Variants in MYBPC1 observed in about 807,000 individuals in gnomAD.
MYBPC1 encodes myosin-binding protein C, slow-type.
A neutral mutation model predicts 147.1 loss-of-function variants in MYBPC1; 52 were observed. The observed-to-expected ratio is 0.35, with a 90% CI of 0.28 to 0.45. The LOEUF (loss-of-function observed/expected upper bound fraction) is 0.45, where lower values mean the gene tolerates loss of function less well. MYBPC1 is among the 20% of genes least tolerant of loss of function. The pLI is 1.00. For missense variants in MYBPC1, 1,228 were observed against 1,440.3 expected, an observed-to-expected ratio of 0.85 and a Z score of 2.39; for synonymous variants, 477 against 475.9, an observed-to-expected ratio of 1.00 and a Z score of -0.03.
Position 101,678,194 on chromosome 12 carries a change from G to A in MYBPC1, c.3202G>A (p.Gly1068Ser). Residue 1068 changes from glycine (G) to serine (S), a missense_variant, in exon 28 of 32, where the codon GGT (glycine) becomes AGT (serine). Transcript: ENST00000361466. The part of the protein sequence containing the change: ...QPLVNTYAIA[G>S]YNATLNCSVR... ...TTTGGTTAACACCTATGCCATAGCT[G>A]GTTACAATGCCACCCTAAACTGCAG... 2 of 1,614,130 alleles carry A rather than the reference G, an allele frequency of 1.2e-6. No homozygotes were observed. The highest frequency in any genetic ancestry group is 1.7e-6 in the Non-Finnish European group (2 of 1,179,986).
chr12:101,683,944 T>A (rs1182351750), intron 30 of MYBPC1, among the ~76,000 whole-genome samples: 3 of 152,172 alleles, frequency 2.0e-5, no homozygotes, highest in African/African-American at 7.2e-5. Context: ...TACTTGATAA[T>A]TTTGCCTTTT....
In MYBPC1 at chr12:101,629,503, T is replaced by C; in HGVS notation, c.248T>C (p.Ile83Thr). Reference sequence around the variant, plus strand: ...CAGAATGCCAACTCCCAGCTGTCCATCTTGTTCATTGAAAAACCTCAAGGA... The same window carrying C: ...CAGAATGCCAACTCCCAGCTGTCCACCTTGTTCATTGAAAAACCTCAAGGA... ...AKQNANSQLS[I>T]LFIEKPQGGT... The change falls in exon 6 of 32, where the codon ATC becomes ACC. Residue 83 changes from isoleucine (I) to threonine (T), a missense_variant. Coordinates refer to ENST00000361466, the MANE Select transcript of MYBPC1 (RefSeq NM_002465.4). 6.2e-7 allele frequency: 1 copy of C among 1,614,004 alleles called. No homozygotes were observed. Among genetic ancestry groups the C allele is most frequent in the Non-Finnish European group, 8.5e-7 (1 of 1,179,944 alleles).
intron 8 of MYBPC1, among the ~76,000 whole-genome samples, chr12:101,633,728 T>C (rs964674726): frequency 4.6e-5 from 7 of 151,392 alleles, no homozygotes; most frequent in African/African-American, 9.7e-5. Context: ...TAAAGCTATA[T>C]AGACAGCCCA....
At chr12:101,655,682 G>T (rs897214129) in intron 18 of MYBPC1, among the ~76,000 whole-genome samples, 2 of 152,124 alleles carry the variant, frequency 1.3e-5, no homozygotes, top group Non-Finnish European at 2.9e-5. Flanking sequence ...TGTACCCTCT[G>T]AAATTATCTT....
intron 26 of MYBPC1, among the ~76,000 whole-genome samples, 178 bp from the exon 27 acceptor site, chr12:101,677,057 A>G (rs1900161147): frequency 6.6e-6 from 1 of 152,244 alleles, no homozygotes; most frequent in Non-Finnish European, 1.5e-5. Context: ...ATATTAAACA[A>G]AATATACATT....
chr12:101,643,305 C>G (rs1892442588), intron 11 of MYBPC1, among the ~76,000 whole-genome samples: 2 of 152,112 alleles, frequency 1.3e-5, no homozygotes, highest in East Asian at 3.9e-4. Context: ...AGAAATGGCC[C>G]CAGAGAAATG....
At chr12:101,671,358 C>A (rs1045894535) in intron 24 of MYBPC1, among the ~76,000 whole-genome samples, 4 of 151,870 alleles carry the variant, frequency 2.6e-5, no homozygotes, top group Non-Finnish European at 5.9e-5. Context: ...CACACTCACA[C>A]ATGCACACAT....
At chr12:101,627,267 G>A (rs1438961515) in intron 4 of MYBPC1, among the ~76,000 whole-genome samples, 1 of 151,924 alleles carries the variant, frequency 6.6e-6, no homozygotes, top group South Asian at 2.1e-4. Context: ...TTTTGAGACT[G>A]AGTCTCTCTC....
At chr12:101,597,637 T>C (rs1877874087) in intron 1 of MYBPC1, among the ~76,000 whole-genome samples, 1 of 152,210 alleles carries the variant, frequency 6.6e-6, no homozygotes, top group Non-Finnish European at 1.5e-5. Flanking sequence ...TTGTTTAGAC[T>C]CTTGGAATAT....
chr12:101,619,661 A>G (rs888987815), intron 3 of MYBPC1, among the ~76,000 whole-genome samples: 8 of 152,222 alleles, frequency 5.3e-5, no homozygotes, highest in African/African-American at 1.9e-4. Flanking sequence ...ACACTGCTGC[A>G]GAACAGAAGG....
intron 3 of MYBPC1, among the ~76,000 whole-genome samples, chr12:101,622,609 C>T (rs1409855659): frequency 6.6e-6 from 1 of 152,062 alleles, no homozygotes; most frequent in Non-Finnish European, 1.5e-5. Context: ...GTGACAAACA[C>T]CTGTATTTCC....
chr12:101,603,524 T>A (rs1461381361), intron 1 of MYBPC1, among the ~76,000 whole-genome samples: 1 of 152,186 alleles, frequency 6.6e-6, no homozygotes, highest in Non-Finnish European at 1.5e-5. Flanking sequence ...TTTATTTTTA[T>A]GACCCCACCT....
rs1302368356 is a variant in MYBPC1, at chr12:101,651,333, G to T, written c.1466G>T (p.Trp489Leu). The T allele has an allele frequency of 1.9e-6, 3 of 1,614,106 alleles. No individual in the cohort carries two copies. The highest frequency in any genetic ancestry group is 2.5e-6 in the Non-Finnish European group (3 of 1,179,994). The change falls in exon 16 of 32, where the codon TGG (tryptophan) becomes TTG (leucine). Residue 489 changes from tryptophan (W) to leucine (L), a missense_variant. Trp to Leu is a moderately conservative substitution (Grantham distance 61). Coordinates refer to ENST00000361466, the MANE Select transcript of MYBPC1 (RefSeq NM_002465.4). ...ATCTCTGAAAACATACCAGGAAAATGGACTAAAAATGGCCTACCTGTTCAG... is the reference window on the plus strand; with the variant it reads ...ATCTCTGAAAACATACCAGGAAAATTGACTAAAAATGGCCTACCTGTTCAG... Reference protein sequence around the residue: ...CEISENIPGKWTKNGLPVQES... With the variant: ...CEISENIPGKLTKNGLPVQES...
intron 22 of MYBPC1, among the ~76,000 whole-genome samples, chr12:101,663,972 A>T (rs567689762): frequency 6.6e-6 from 1 of 152,214 alleles, no homozygotes; most frequent in African/African-American, 2.4e-5. Flanking sequence ...TATTTTGGGT[A>T]ATAAAGGGAG....
chr12:101,684,476 T>C, intron 31 of MYBPC1, 52 bp downstream of exon 31: 1 of 1,370,748 alleles, frequency 7.3e-7, no homozygotes, highest in South Asian at 1.2e-5. Context: ...TCATAAGCCA[T>C]ACCAAGCCTG....
At chr12:101,679,997 A>G (rs186312899) in intron 28 of MYBPC1, among the ~76,000 whole-genome samples, 76 of 152,384 alleles carry the variant, frequency 5.0e-4, no homozygotes, top group African/African-American at 1.7e-3. Context: ...TAATACATTC[A>G]TCAGTACCGA....
intron 29 of MYBPC1, 71 bp downstream of exon 29, chr12:101,680,600 A>T: frequency 6.3e-7 from 1 of 1,574,994 alleles, no homozygotes; most frequent in African/African-American, 1.3e-5. Flanking sequence ...CTTAATGCTT[A>T]TTGTTCTTAA....
chr12:101,677,392 A>T lies in MYBPC1; in HGVS notation c.3107A>T (p.Asp1036Val), dbSNP rs1900241828. ...AAAGAGAGTGCAGTGATCGCCAGGGATGGTGAGTTGGGAATGGACTGACAT... is the reference window on the plus strand; with the variant it reads ...AAAGAGAGTGCAGTGATCGCCAGGGTTGGTGAGTTGGGAATGGACTGACAT... Reference protein sequence around the residue: ...MTKESAVIARDGKIYKNPVYE... With the variant: ...MTKESAVIARVGKIYKNPVYE... The change falls in exon 27 of 32, where the codon GAT (aspartate) becomes GTT (valine). Residue 1036 changes from aspartate to valine, a missense_variant and splice_region_variant. Coordinates refer to ENST00000361466, the MANE Select transcript of MYBPC1 (RefSeq NM_002465.4). 6.2e-7 allele frequency: 1 copy of T among 1,613,918 alleles called. No individual in the cohort carries two copies. The highest frequency in any genetic ancestry group is 2.2e-5 in the East Asian group (1 of 44,880).
At chr12:101,692,475 C>T in the MYBPC1 span, among the ~76,000 whole-genome samples, 1 of 152,186 alleles carries the variant, frequency 6.6e-6, no homozygotes, top group Non-Finnish European at 1.5e-5. Context: ...TGAATCCTGG[C>T]TTTACCACTA....
Sources: allele counts gnomAD v4.1 joint callset (sites outside exome capture counted in the v4.1 genomes callset), GRCh38; gene constraint gnomAD v4.1.1; transcripts MANE v1.5; gene names NCBI Gene and HGNC (gene_info 2026-07-23, HGNC 2026-07-21).